Variants in ASCC1 observed in about 807,000 individuals in gnomAD.
The protein encoded by ASCC1 is ASC-1 complex subunit P50.
ASCC1 carries 35 observed loss-of-function variants against 46.6 expected under a neutral mutation model. The observed-to-expected ratio is 0.75, with a 90% CI of 0.57 to 0.99. The LOEUF (loss-of-function observed/expected upper bound fraction) is 0.99. Among genes scored for constraint, ASCC1 ranks in the 50% least tolerant of loss-of-function variants. The pLI is 0.00. For missense variants in ASCC1, 376 were observed against 428.7 expected, an observed-to-expected ratio of 0.88 and a Z score of 1.09; for synonymous variants, 143 against 146.6, an observed-to-expected ratio of 0.98 and a Z score of 0.18.
At position 72,196,855 on chromosome 10, in the gene ASCC1, C is replaced by T. The variant is rs761839119; in HGVS notation, c.445G>A (p.Gly149Arg). The part of the protein sequence containing the change: ...FFLNEVEVQE[G>R]FLRFQEEVLA... ...ACTTCCTCCTGGAATCTCAGGAATC[C>T]TTCCTGAACCTCAACTTCATTGAGG... is the stretch of plus-strand genomic sequence containing the variant. The change falls in exon 5 of 10, where the codon GGA (glycine) becomes AGA (arginine). Residue 149 changes from glycine (G) to arginine (R), a missense_variant. Coordinates refer to ENST00000672957, the MANE Select transcript of ASCC1 (RefSeq NM_001198800.3). 6.2e-7 allele frequency: 1 copy of T among 1,613,318 alleles called. No individual in the cohort carries two copies. Among genetic ancestry groups the T allele is most frequent in the Non-Finnish European group, 8.5e-7 (1 of 1,179,908 alleles).
intron 5 of ASCC1, chr10:72,190,203 G>A: frequency 1.3e-6 from 1 of 764,560 alleles, no homozygotes; most frequent in Non-Finnish European, 2.4e-6. Context: ...GTCCATCATG[G>A]TGTTAACTAG....
chr10:72,206,725 A>C (rs1036342599), intron 3 of ASCC1, among the ~76,000 whole-genome samples: 5 of 152,174 alleles, frequency 3.3e-5, no homozygotes, highest in African/African-American at 1.2e-4. Flanking sequence ...TTTATCTATG[A>C]GGAACATCTG....
chr10:72,200,673 A>C (rs1325256690), intron 4 of ASCC1, among the ~76,000 whole-genome samples: 1 of 152,026 alleles, frequency 6.6e-6, no homozygotes, highest in African/African-American at 2.4e-5. Flanking sequence ...TCAAAAAAAA[A>C]AAAAAATAGA....
rs7922715 is a variant in ASCC1, at chr10:72,109,511, C to T, written c.958-12061G>A. On this transcript the variant is annotated intron_variant, in intron 9 of 9. Coordinates refer to ENST00000672957, the MANE Select transcript of ASCC1 (RefSeq NM_001198800.3). Reference sequence around the variant, plus strand: ...AGCATTAGCCTGACCTAAGGATGTGCTGGCAGAAGGCAGACAAACAGAGCC... The same window carrying T: ...AGCATTAGCCTGACCTAAGGATGTGTTGGCAGAAGGCAGACAAACAGAGCC... Among the ~76,000 whole-genome samples, 131 of 152,286 alleles carry T rather than the reference C, an allele frequency of 8.6e-4. 1 individual carries two copies. The highest frequency in any genetic ancestry group is 2.7e-3 in the African/African-American group (112 of 41,554).
At chr10:72,152,178 T>G (rs1589367056) in intron 7 of ASCC1, among the ~76,000 whole-genome samples, 1 of 150,914 alleles carries the variant, frequency 6.6e-6, no homozygotes, top group Non-Finnish European at 1.5e-5. Flanking sequence ...TTGGGTTTTT[T>G]TTTTTTTGTT....
intron 3 of ASCC1, among the ~76,000 whole-genome samples, chr10:72,205,147 T>G (rs1412157950): frequency 6.6e-6 from 1 of 152,186 alleles, no homozygotes; most frequent in Non-Finnish European, 1.5e-5. Flanking sequence ...CACTCTGGCC[T>G]GGGTGACAAA....
At chr10:72,178,151 T>C (rs568855775) in intron 5 of ASCC1, among the ~76,000 whole-genome samples, 12 of 152,152 alleles carry the variant, frequency 7.9e-5, no homozygotes, top group Non-Finnish European at 1.5e-4. Flanking sequence ...ATCAGAAGGA[T>C]AGAATGAGAC....
intron 5 of ASCC1, among the ~76,000 whole-genome samples, chr10:72,171,889 T>C (rs1200454228): frequency 6.6e-6 from 1 of 152,158 alleles, no homozygotes; most frequent in Non-Finnish European, 1.5e-5. Context: ...TAAGGCATCT[T>C]TGGGGAAATA....
intron 9 of ASCC1, among the ~76,000 whole-genome samples, chr10:72,100,662 G>A (rs180751110): frequency 3.7e-4 from 56 of 152,252 alleles, no homozygotes; most frequent in Admixed American, 1.2e-3. Context: ...CAAAGTGCTG[G>A]GATTATAGGC....
At chr10:72,199,638 G>T (rs1856202766) in intron 4 of ASCC1, among the ~76,000 whole-genome samples, 1 of 152,004 alleles carries the variant, frequency 6.6e-6, no homozygotes, top group African/African-American at 2.4e-5. Context: ...ATTTCACCGT[G>T]TTAGCCAGGA....
chr10:72,112,269 T>A (rs563070748), intron 9 of ASCC1, among the ~76,000 whole-genome samples: 42 of 152,338 alleles, frequency 2.8e-4, no homozygotes, highest in Middle Eastern at 3.4e-3. Flanking sequence ...TTCTGACATA[T>A]GCTACAACAT....
intron 5 of ASCC1, among the ~76,000 whole-genome samples, chr10:72,188,295 T>C (rs1406577442): frequency 6.6e-6 from 1 of 151,708 alleles, no homozygotes; most frequent in Non-Finnish European, 1.5e-5. Context: ...ATTTTTGTAT[T>C]TTTAGTAGAG....
intron 4 of ASCC1, among the ~76,000 whole-genome samples, chr10:72,200,551 G>T (rs1856348777): frequency 6.6e-6 from 1 of 151,818 alleles, no homozygotes; most frequent in Non-Finnish European, 1.5e-5. Flanking sequence ...GGTAGGCTGA[G>T]GCAGGAGAAT....
chr10:72,154,129 A>G (rs1046619681), intron 6 of ASCC1, among the ~76,000 whole-genome samples: 1 of 152,222 alleles, frequency 6.6e-6, no homozygotes, highest in Admixed American at 6.5e-5. Context: ...TAAGGAAACA[A>G]TTTTGAATTC....
chr10:72,129,968 C>A (rs1170619860), intron 8 of ASCC1, among the ~76,000 whole-genome samples: 2 of 96,118 alleles, frequency 2.1e-5, no homozygotes, highest in African/African-American at 4.5e-5. Context: ...GCAACAGAGA[C>A]CTTGTCTCAA....
Position 72,170,080 on chromosome 10 carries a change from A to C in ASCC1, c.490-8406T>G, listed in dbSNP as rs1288265503. Among the ~76,000 whole-genome samples the C allele has an allele frequency of 2.6e-5, 4 of 152,110 alleles. No homozygotes were observed. The East Asian group carries it at 7.7e-4, about 29-fold the overall frequency. The stretch of plus-strand genomic sequence containing the variant: ...CGTTGCAGTGAGACAAGATCGTGCC[A>C]TTGCACTAAAGCCTGGGCGACAAGA... On this transcript the variant is annotated intron_variant, in intron 5 of 9. Transcript: ENST00000672957.
At chr10:72,191,123 TCTC>T (rs1435261567) in intron 5 of ASCC1, among the ~76,000 whole-genome samples, 1 of 149,858 alleles carries the variant, frequency 6.7e-6, no homozygotes, top group African/African-American at 2.5e-5. Context: ...AGTGGCGCGA[TCTC>T]GGCTCACTGC....
intron 5 of ASCC1, among the ~76,000 whole-genome samples, chr10:72,186,676 T>C (rs975944744): frequency 6.6e-6 from 1 of 152,162 alleles, no homozygotes; most frequent in Non-Finnish European, 1.5e-5. Context: ...ATCTAGATAA[T>C]GGTCCCTTAC....
chr10:72,167,433 A>G (rs1324754847), intron 5 of ASCC1, among the ~76,000 whole-genome samples: 1 of 152,214 alleles, frequency 6.6e-6, no homozygotes, highest in Non-Finnish European at 1.5e-5. Context: ...GCAGGTTAAC[A>G]GTTGCCTGTG....
Sources: allele counts gnomAD v4.1 joint callset (sites outside exome capture counted in the v4.1 genomes callset), GRCh38; gene constraint gnomAD v4.1.1; transcripts MANE v1.5; gene names NCBI Gene and HGNC (gene_info 2026-07-23, HGNC 2026-07-21).